The following CARS2 variants were observed in gnomAD, a reference collection of about 807,000 sequenced individuals.
CARS2 encodes cysteinyl-tRNA synthetase 2, mitochondrial.
Under a neutral mutation model 68.8 loss-of-function variants are expected in CARS2, and 52 were observed. The ratio of observed to expected loss-of-function variants is 0.76; its 90% CI spans 0.61 to 0.95. CARS2 has a LOEUF of 0.95. Ranked by LOEUF, CARS2 falls within the 40% of genes least tolerant of loss-of-function variation. The pLI is 0.00. For synonymous variants in CARS2, 314 were observed against 303.6 expected (o/e 1.03, Z -0.36); for missense variants, 780 against 754.2 (o/e 1.03, Z -0.40).
Position 110,665,182 on chromosome 13 carries a change from C to G in CARS2, c.920-1664G>C. ...AACTTTCCCACCACGTGCAGTGGCTCACGCCTATAATCCCAGCACTTTGGG... is the reference window on the plus strand; with the variant it reads ...AACTTTCCCACCACGTGCAGTGGCTGACGCCTATAATCCCAGCACTTTGGG... On this transcript the variant is annotated intron_variant, in intron 8 of 14. Coordinates refer to ENST00000257347, the MANE Select transcript of CARS2 (RefSeq NM_024537.4). The surrounding 1 kb of genome is among the most constrained non-coding windows in gnomAD (Gnocchi z 4.3). The G allele has an allele frequency of 1.0e-6, 1 of 984,258 alleles. No homozygotes were observed. The highest frequency in any genetic ancestry group is 5.2e-4 in the Middle Eastern group (1 of 1,910). 61.0% of individuals were successfully genotyped at this position (984,258 alleles called of 1,614,324 possible).
chr13:110,649,711 G>A (rs1017733892), intron 10 of CARS2, among the ~76,000 whole-genome samples: 1 of 152,104 alleles, frequency 6.6e-6, no homozygotes, highest in Non-Finnish European at 1.5e-5. Context: ...CCAGGGCCTC[G>A]GCAGTGTCAA....
At chr13:110,663,186 G>A in intron 9 of CARS2, 1 of 577,228 alleles carries the variant, frequency 1.7e-6, no homozygotes, top group Non-Finnish European at 3.2e-6. Context: ...GCAAGGAAGA[G>A]GGCGCCGGCC....
chr13:110,661,921 T>C (rs2062512986), intron 9 of CARS2, among the ~76,000 whole-genome samples: 1 of 152,136 alleles, frequency 6.6e-6, no homozygotes, highest in Non-Finnish European at 1.5e-5. Flanking sequence ...ATTACAACAG[T>C]AACATCAGAG....
chr13:110,666,799 A>G, intron 8 of CARS2: 2 of 985,444 alleles, frequency 2.0e-6, no homozygotes, highest in Non-Finnish European at 2.4e-6. Flanking sequence ...AAAGGTAATA[A>G]GACTAGTTAA....
chr13:110,713,228 CCTACTTATACTG>C (rs1205478637), exon 1 of CARS2: 21 of 1,410,294 alleles, frequency 1.5e-5, no homozygotes, highest in Non-Finnish European at 1.9e-5. Context: ...TGTTTCGGGC[CCTACTTATACTG>C]CTCTGTGGGG....
chr13:110,669,986 T>C (rs889412290), intron 7 of CARS2, among the ~76,000 whole-genome samples: 2 of 152,188 alleles, frequency 1.3e-5, no homozygotes, highest in East Asian at 1.9e-4. Flanking sequence ...TGAGATGAAC[T>C]GCAAGGCGGC....
intron 8 of CARS2, 173 bp from the exon 9 acceptor site, chr13:110,663,691 A>G: frequency 5.0e-6 from 7 of 1,399,122 alleles, no homozygotes; most frequent in Non-Finnish European, 6.5e-6. Flanking sequence ...CCTTCCGGGA[A>G]GACAGGACCT....
At chr13:110,651,600 G>A (rs562086171) in intron 9 of CARS2, among the ~76,000 whole-genome samples, 1 of 152,344 alleles carries the variant, frequency 6.6e-6, no homozygotes, top group East Asian at 1.9e-4. Flanking sequence ...CTATTTGGTG[G>A]CACAGTTCTT....
intron 11 of CARS2, 187 bp from the exon 12 acceptor site, chr13:110,646,277 T>C (rs986074145): frequency 1.8e-5 from 11 of 595,004 alleles, no homozygotes; most frequent in Admixed American, 3.6e-5. Flanking sequence ...CAAACTGTCA[T>C]GTTACCCCAA....
rs940759956 is a variant in CARS2, at chr13:110,668,496, C to T, written c.786-1023G>A. Among the ~76,000 whole-genome samples the T allele has an allele frequency of 1.9e-4, 29 of 151,272 alleles. No individual in the cohort carries two copies. Among genetic ancestry groups the T allele is most frequent in the African/African-American group, 5.1e-4 (21 of 41,220 alleles). On this transcript the variant is annotated intron_variant, in intron 7 of 14. Transcript: ENST00000257347. The surrounding 1 kb of genome is among the most constrained non-coding windows in gnomAD (Gnocchi z 4.1). ...GGCGGAGCTTGCAGTGAGCCGAGAT[C>T]GCGCCACTGCACTCCAGCCTGGGTG...
intron 9 of CARS2, among the ~76,000 whole-genome samples, chr13:110,654,207 C>T (rs1483480153): frequency 6.6e-6 from 1 of 152,232 alleles, no homozygotes; most frequent in Non-Finnish European, 1.5e-5. Context: ...CAGAAGCAGG[C>T]ACCAGAGCCT....
chr13:110,688,526 A>G (rs1220086245), intron 3 of CARS2, among the ~76,000 whole-genome samples: 1 of 152,250 alleles, frequency 6.6e-6, no homozygotes, highest in Non-Finnish European at 1.5e-5. Context: ...GACAAGGGCA[A>G]AATCACCCTA....
rs2062620086 is a variant in CARS2 at position 110,665,374 on chromosome 13, A to G, written c.920-1856T>C. On this transcript the variant is annotated intron_variant, in intron 8 of 14. Transcript: ENST00000257347. The surrounding 1 kb of genome is among the most constrained non-coding windows in gnomAD (Gnocchi z 4.3). ...GGCAGGAGAATTGCTTGAACCCAGG[A>G]GGCAGAGGTTGCGGTGAGCTCAGAT... 1.2e-6 allele frequency: 1 copy of G among 862,302 alleles called. No individual in the cohort carries two copies. Among genetic ancestry groups the G allele is most frequent in the East Asian group, 1.2e-4 (1 of 8,238 alleles). The allele number at this position is 862,302 out of a possible 1,614,324, so 53.4% of individuals were successfully genotyped here. A position where few individuals can be genotyped will look rare whatever the true frequency, so the allele number is the denominator to read the frequency against.
chr13:110,705,723 T>A lies in CARS2; in HGVS notation c.224+147A>T, dbSNP rs1293964195. ...TACTTGCTCAATTCACACCCAAACCTGCAAAAGCACCGCGCACCCCCAGCT... is the reference window on the plus strand; with the variant it reads ...TACTTGCTCAATTCACACCCAAACCAGCAAAAGCACCGCGCACCCCCAGCT... On this transcript the variant is annotated intron_variant, in intron 1 of 14. Transcript: ENST00000257347. The surrounding 1 kb of genome is among the most constrained non-coding windows in gnomAD (Gnocchi z 4.0). 1 of 1,533,482 alleles carries A rather than the reference T, an allele frequency of 6.5e-7. No homozygotes were observed. The highest frequency in any genetic ancestry group is 1.2e-5 in the South Asian group (1 of 83,620). 95.0% of individuals were successfully genotyped at this position (1,533,482 alleles called of 1,614,324 possible).
chr13:110,705,378 T>C lies in CARS2; in HGVS notation c.275+143A>G. ...GAATCCCTATAAGAACCAAATGAGG[T>C]TGTAACATTTCCCACAATGCCTGGA... On this transcript the variant is annotated intron_variant, in intron 2 of 14. Coordinates refer to ENST00000257347, the MANE Select transcript of CARS2 (RefSeq NM_024537.4). The surrounding 1 kb of genome is among the most constrained non-coding windows in gnomAD (Gnocchi z 4.0). The C allele has an allele frequency of 1.6e-6, 1 of 624,106 alleles. No homozygotes were observed. The highest frequency in any genetic ancestry group is 2.8e-6 in the Non-Finnish European group (1 of 361,022). The allele number at this position is 624,106 out of a possible 1,614,324, so 38.7% of individuals were successfully genotyped here. A position where few individuals can be genotyped will look rare whatever the true frequency, so the allele number is the denominator to read the frequency against.
chr13:110,698,212 AT>A lies in CARS2; in HGVS notation c.393+3225del, dbSNP rs112167803. ...TGACTTAAAAAGTATGTATATGTAT[AT>A]TTTTTTTTCAAAAAAAGAAATCCAG... is the stretch of plus-strand genomic sequence containing the variant. On this transcript the variant is annotated intron_variant, in intron 3 of 14. Coordinates refer to ENST00000257347, the MANE Select transcript of CARS2 (RefSeq NM_024537.4). Among the ~76,000 whole-genome samples the A allele has an allele frequency of 7.9e-5, 12 of 151,488 alleles. No homozygotes were observed. In the East Asian group the frequency reaches 2.3e-3, roughly 29 times the overall value.
At chr13:110,664,105 C>T in intron 8 of CARS2, 1 of 985,220 alleles carries the variant, frequency 1.0e-6, no homozygotes, top group Non-Finnish European at 1.2e-6. Context: ...CTGAATCTGA[C>T]CCTGAAATTC....
Position 110,641,498 on chromosome 13 carries a change from G to A in CARS2, c.*39C>T, listed in dbSNP as rs577689200. The A allele has an allele frequency of 3.3e-6, 5 of 1,507,950 alleles. No homozygotes were observed. In the South Asian group the frequency reaches 4.5e-5, roughly 14 times the overall value. 93.4% of individuals were successfully genotyped at this position (1,507,950 alleles called of 1,614,324 possible). ...AGCCTTGACCCTGAGAAGCATGGGT[G>A]CGTCTTGTCGTGAGCAGGTTCATGG... is the stretch of plus-strand genomic sequence containing the variant. On this transcript the variant is annotated 3_prime_UTR_variant, in exon 15 of 15. Coordinates refer to ENST00000257347, the MANE Select transcript of CARS2 (RefSeq NM_024537.4).
chr13:110,649,931 C>CTTTTTTT lies in CARS2; in HGVS notation c.1054+1096_1054+1102dup, dbSNP rs59276783. 1.4e-4 allele frequency among the ~76,000 whole-genome samples: 10 copies of CTTTTTTT among 73,182 alleles called. 1 individual carries two copies. The highest frequency in any genetic ancestry group is 4.2e-4 in the African/African-American group (8 of 19,248). The allele number at this position is 73,182 out of a possible 152,430, so 48.0% of individuals were successfully genotyped here. A position where few individuals can be genotyped will look rare whatever the true frequency, so the allele number is the denominator to read the frequency against. On this transcript the variant is annotated intron_variant, in intron 10 of 14. Transcript: ENST00000257347. The stretch of plus-strand genomic sequence containing the variant: ...CCAGGGATGCAGCTCTGGATAACGA[C>CTTTTTTT]TTTTTTTTTTTTTTTTTTTTTTTTG...
Sources: allele counts gnomAD v4.1 joint callset (sites outside exome capture counted in the v4.1 genomes callset), GRCh38; gene constraint gnomAD v4.1.1; non-coding constraint Gnocchi (gnomAD v3.1); transcripts MANE v1.5; gene names NCBI Gene and HGNC (gene_info 2026-07-23, HGNC 2026-07-21).